LTBP1: variants seen among roughly 807,000 people sequenced by gnomAD.
LTBP1 encodes latent-transforming growth factor beta-binding protein 1.
A neutral mutation model predicts 207.6 loss-of-function variants in LTBP1; 129 were observed. The observed-to-expected ratio is 0.62, with a 90% CI of 0.54 to 0.72. LTBP1 has a LOEUF of 0.72. Ranked by LOEUF, LTBP1 falls within the 30% of genes least tolerant of loss-of-function variation. LTBP1 has a pLI of 0.00. For synonymous variants in LTBP1, 963 were observed against 833.7 expected, an observed-to-expected ratio of 1.16 and a Z score of -2.67; for missense variants, 2,281 against 2,217.2, an observed-to-expected ratio of 1.03 and a Z score of -0.58.
chr2:32,972,787 A>T (rs219035), intron 2 of LTBP1, among the ~76,000 whole-genome samples: 48,608 of 152,026 alleles, frequency 0.32, 8,240 homozygotes, highest in South Asian at 0.4. Flanking sequence ...GCCATGTAAG[A>T]TGTGCCTTGC....
chr2:33,257,320 A>T lies in LTBP1; in HGVS notation c.2204A>T (p.Tyr735Phe). 1 of 1,614,204 alleles carries T rather than the reference A, an allele frequency of 6.2e-7. No homozygotes were observed. Residue 735 changes from tyrosine to phenylalanine, a missense_variant, in exon 12 of 34, where the codon TAT becomes TTT. Around this residue, in one of 3 missense-constraint regions of LTBP1, gnomAD observed 1,671 missense variants for 1,634.8 expected, o/e 1.02. Coordinates refer to ENST00000404816, the MANE Select transcript of LTBP1 (RefSeq NM_206943.4). ...FKEICPGGMGYTVSGVHRRRP... is the reference protein window; with the variant it reads ...FKEICPGGMGFTVSGVHRRRP... ...GAAATCTGTCCTGGTGGAATGGGTT[A>T]TACGGTTTCTGGCGTTCATAGACGC...
chr2:33,010,721 CTTTTT>C (rs1256189915), intron 2 of LTBP1, among the ~76,000 whole-genome samples: 1 of 134,828 alleles, frequency 7.4e-6, no homozygotes, highest in Non-Finnish European at 1.6e-5. Context: ...GATTTTAATC[CTTTTT>C]TTTTTTTTTT....
chr2:32,967,940 T>C (rs1452127280), intron 2 of LTBP1, among the ~76,000 whole-genome samples: 4 of 152,104 alleles, frequency 2.6e-5, no homozygotes, highest in Admixed American at 2.6e-4. Context: ...CTTCAATAGA[T>C]GAATTATGGA....
intron 19 of LTBP1, among the ~76,000 whole-genome samples, chr2:33,283,490 G>A (rs545627520): frequency 1.2e-4 from 17 of 137,790 alleles, no homozygotes; most frequent in Non-Finnish European, 2.0e-4. Context: ...AGGCTGAAGT[G>A]GAGTGGCGCC....
intron 31 of LTBP1, among the ~76,000 whole-genome samples, chr2:33,381,960 G>A (rs1274371976): frequency 6.6e-6 from 1 of 151,944 alleles, no homozygotes; most frequent in African/African-American, 2.4e-5. Context: ...AAATGAAACA[G>A]TGTATGCAAA....
At chr2:33,179,249 G>T (rs1456469928) in intron 5 of LTBP1, among the ~76,000 whole-genome samples, 1 of 152,040 alleles carries the variant, frequency 6.6e-6, no homozygotes, top group Non-Finnish European at 1.5e-5. Flanking sequence ...TTTAATGTGT[G>T]ACTCATGACA....
intron 10 of LTBP1, among the ~76,000 whole-genome samples, chr2:33,250,437 G>C (rs2092650811): frequency 6.6e-6 from 1 of 152,158 alleles, no homozygotes; most frequent in South Asian, 2.1e-4. Flanking sequence ...TCATCTAACA[G>C]AGAACACTGA....
chr2:33,349,620 CAAAT>C (rs2094752655), intron 26 of LTBP1, among the ~76,000 whole-genome samples: 1 of 152,154 alleles, frequency 6.6e-6, no homozygotes, highest in East Asian at 1.9e-4. Flanking sequence ...TTTTTCAAAA[CAAAT>C]GAATGTAAAA....
chr2:33,365,550 T>G (rs767434668), intron 31 of LTBP1, 47 bp downstream of exon 31: 2 of 1,575,876 alleles, frequency 1.3e-6, no homozygotes, highest in Non-Finnish European at 1.7e-6. Context: ...TGGGGACAAG[T>G]TCATCTCACC....
intron 5 of LTBP1, among the ~76,000 whole-genome samples, chr2:33,180,679 C>T (rs1173101177): frequency 6.6e-6 from 1 of 152,078 alleles, no homozygotes; most frequent in Non-Finnish European, 1.5e-5. Context: ...TGGTCTTGAA[C>T]TCCTGGCCTT....
At chr2:33,119,864 A>G (rs903125673) in intron 4 of LTBP1, among the ~76,000 whole-genome samples, 1 of 151,952 alleles carries the variant, frequency 6.6e-6, no homozygotes, top group Non-Finnish European at 1.5e-5. Flanking sequence ...GCCTGTAAAT[A>G]CCTTTCTTAT....
At chr2:33,203,753 C>T (rs1408378535) in intron 7 of LTBP1, among the ~76,000 whole-genome samples, 1 of 152,084 alleles carries the variant, frequency 6.6e-6, no homozygotes, top group Non-Finnish European at 1.5e-5. Context: ...CCTGTTCCTA[C>T]ATAGGAATAA....
intron 5 of LTBP1, among the ~76,000 whole-genome samples, chr2:33,159,783 T>C (rs1325369978): frequency 6.6e-6 from 1 of 152,258 alleles, no homozygotes; most frequent in Non-Finnish European, 1.5e-5. Flanking sequence ...AACTTAGTTT[T>C]AGCCATTGTC....
chr2:33,201,068 G>A (rs1431025787), intron 7 of LTBP1, among the ~76,000 whole-genome samples: 1 of 152,196 alleles, frequency 6.6e-6, no homozygotes, highest in East Asian at 1.9e-4. Flanking sequence ...AGTCAGTGTG[G>A]CAATTCCTAA....
At chr2:33,056,538 G>A in intron 3 of LTBP1, 1 of 566,054 alleles carries the variant, frequency 1.8e-6, no homozygotes, top group Non-Finnish European at 3.0e-6. Context: ...GTCCAGATTT[G>A]GCGGGTTCTT....
intron 3 of LTBP1, among the ~76,000 whole-genome samples, chr2:33,095,371 C>T: frequency 6.6e-6 from 1 of 152,146 alleles, no homozygotes; most frequent in African/African-American, 2.4e-5. Flanking sequence ...GGGGAGACTC[C>T]AAAGTTCCTA....
At chr2:33,389,414 A>C in intron 32 of LTBP1, 108 bp downstream of exon 32, 23 of 1,437,198 alleles carry the variant, frequency 1.6e-5, no homozygotes, top group East Asian at 4.7e-5. Context: ...TTCTGGTCCC[A>C]CCCCAGACCT....
In LTBP1 at chr2:33,315,620, A is replaced by G. The variant is rs146813975; in HGVS notation, c.3730+351A>G. On this transcript the variant is annotated intron_variant, in intron 24 of 33. Coordinates refer to ENST00000404816, the MANE Select transcript of LTBP1 (RefSeq NM_206943.4). ...ACTCTGCTTCTTTTGATTGTGCTTC[A>G]TGTAGATCGTCTTGATCATTCTGTG... Among the ~76,000 whole-genome samples the G allele has an allele frequency of 2.9e-3, 440 of 152,256 alleles. 4 individuals carry two copies. Among genetic ancestry groups the G allele is most frequent in the African/African-American group, 0.01 (427 of 41,538 alleles).
chr2:33,182,699 T>TATACAC, intron 5 of LTBP1, among the ~76,000 whole-genome samples: 1 of 78,846 alleles, frequency 1.3e-5, no homozygotes, highest in South Asian at 3.9e-4. Flanking sequence ...TATATATATA[T>TATACAC]ACACACACAC....
Sources: allele counts gnomAD v4.1 joint callset (sites outside exome capture counted in the v4.1 genomes callset), GRCh38; gene constraint gnomAD v4.1.1; regional missense constraint gnomAD v4.1.1; transcripts MANE v1.5; gene names NCBI Gene and HGNC (gene_info 2026-07-23, HGNC 2026-07-21).